Variants in TMCC3 observed in about 807,000 individuals in gnomAD.
TMCC3 encodes transmembrane and coiled-coil domain family 3.
A neutral mutation model predicts 40.2 loss-of-function variants in TMCC3; 28 were observed. The observed-to-expected ratio is 0.70, with a 90% CI of 0.52 to 0.95. The LOEUF is 0.95. Ranked by LOEUF, TMCC3 falls within the 40% of genes least tolerant of loss-of-function variation. TMCC3 has a pLI of 0.00. For synonymous variants in TMCC3, 255 were observed against 248.5 expected (o/e 1.03, Z -0.25); for missense variants, 554 against 615.2 (o/e 0.90, Z 1.05).
chr12:94,621,997 A>G (rs2068878311), intron 1 of TMCC3, among the ~76,000 whole-genome samples: 1 of 152,226 alleles, frequency 6.6e-6, no homozygotes, highest in Non-Finnish European at 1.5e-5. Flanking sequence ...CATTTCATAG[A>G]AAAGTAAACC....
At chr12:94,579,609 A>G (rs1405081443) in intron 2 of TMCC3, among the ~76,000 whole-genome samples, 3 of 152,244 alleles carry the variant, frequency 2.0e-5, no homozygotes, top group Non-Finnish European at 4.4e-5. Flanking sequence ...TTAGACTGGA[A>G]TGACTTTGAT....
At chr12:94,583,048 C>T (rs1053906718) in intron 1 of TMCC3, among the ~76,000 whole-genome samples, 2 of 144,524 alleles carry the variant, frequency 1.4e-5, no homozygotes, top group African/African-American at 2.5e-5. Context: ...GTACATCCAT[C>T]AAACAAGAAC....
At position 94,650,347 on chromosome 12, in the gene TMCC3, G is replaced by A. The variant is rs2069049371; in HGVS notation, c.78+6C>T. On this transcript the variant is annotated splice_donor_region_variant and intron_variant, in intron 1 of 3. Coordinates refer to ENST00000261226, the MANE Select transcript of TMCC3 (RefSeq NM_020698.4). ...CACCCGCCGCCCCCCAGCCCGCTGC[G>A]CTCACCCGGCTCTTGCAGCGGTGGT... The A allele has an allele frequency of 1.5e-6, 2 of 1,308,480 alleles. No individual in the cohort carries two copies. The highest frequency in any genetic ancestry group is 2.0e-6 in the Non-Finnish European group (2 of 1,024,220). The allele number at this position is 1,308,480 out of a possible 1,614,324, so 81.1% of individuals were successfully genotyped here. A position where few individuals can be genotyped will look rare whatever the true frequency, so the allele number is the denominator to read the frequency against.
chr12:94,650,188 G>A (rs1436165031), intron 1 of TMCC3, among the ~76,000 whole-genome samples, 165 bp downstream of exon 1: 1 of 151,980 alleles, frequency 6.6e-6, no homozygotes, highest in Non-Finnish European at 1.5e-5. Flanking sequence ...CGCCCCCGAC[G>A]CCCACCCTTT....
At chr12:94,613,318 T>C (rs891700406) in intron 1 of TMCC3, among the ~76,000 whole-genome samples, 3 of 151,414 alleles carry the variant, frequency 2.0e-5, no homozygotes, top group Non-Finnish European at 4.4e-5. Flanking sequence ...ATAATAATAA[T>C]AATTAGCCAG....
At chr12:94,611,838 G>A (rs1051087298) in intron 1 of TMCC3, among the ~76,000 whole-genome samples, 1 of 151,856 alleles carries the variant, frequency 6.6e-6, no homozygotes, top group Non-Finnish European at 1.5e-5. Flanking sequence ...TTTGACCCCT[G>A]GTTGGTTGAA....
chr12:94,571,499 G>T lies in TMCC3; in HGVS notation c.1370C>A (p.Ala457Asp). ...LGTFFAVTLL[A>D]IFCKNWDHIL... ...ATGGTCCCAGTTTTTACAAAATATAGCAAGAAGAGTCACGGCAAAGAAGGT... is the reference window on the plus strand; with the variant it reads ...ATGGTCCCAGTTTTTACAAAATATATCAAGAAGAGTCACGGCAAAGAAGGT... Residue 457 changes from alanine (A) to aspartate (D), a missense_variant, in exon 4 of 4, where the codon GCT becomes GAT. Coordinates refer to ENST00000261226, the MANE Select transcript of TMCC3 (RefSeq NM_020698.4). 6.2e-7 allele frequency: 1 copy of T among 1,614,014 alleles called. No homozygotes were observed.
chr12:94,587,366 T>C (rs190948322), intron 1 of TMCC3, among the ~76,000 whole-genome samples: 1 of 152,306 alleles, frequency 6.6e-6, no homozygotes, highest in African/African-American at 2.4e-5. Flanking sequence ...TCAGAACTAA[T>C]ACTGCACAAC....
chr12:94,639,764 GAAAA>G (rs10716116), intron 1 of TMCC3, among the ~76,000 whole-genome samples: 2 of 103,262 alleles, frequency 1.9e-5, no homozygotes, highest in Non-Finnish European at 3.9e-5. Context: ...CAAGAGGTAA[GAAAA>G]AAAAAAAAAA....
chr12:94,586,444 C>G (rs886137209), intron 1 of TMCC3, among the ~76,000 whole-genome samples: 2 of 152,190 alleles, frequency 1.3e-5, no homozygotes, highest in African/African-American at 4.8e-5. Flanking sequence ...CTGTTGTATA[C>G]ATGTATTCTT....
intron 1 of TMCC3, among the ~76,000 whole-genome samples, chr12:94,604,803 C>CAAAAAAAAAAAAA (rs11400128): frequency 1.9e-5 from 1 of 53,318 alleles, no homozygotes; most frequent in Non-Finnish European, 3.2e-5. Flanking sequence ...GACTTCATCT[C>CAAAAAAAAAAAAA]AAAAAAAAAA....
chr12:94,577,733 G>A (rs1205739304), intron 3 of TMCC3, among the ~76,000 whole-genome samples: 1 of 152,122 alleles, frequency 6.6e-6, no homozygotes, highest in East Asian at 1.9e-4. Flanking sequence ...CTCCACCTAG[G>A]CAGTGAGCTG....
Position 94,570,351 on chromosome 12 carries a change from A to G in TMCC3, c.*1084T>C, listed in dbSNP as rs1286584440. The G allele has an allele frequency of 6.6e-6, 1 of 152,232 alleles. No homozygotes were observed. Among genetic ancestry groups the G allele is most frequent in the Admixed American group, 6.5e-5 (1 of 15,282 alleles). The allele number at this position is 152,232 out of a possible 1,614,324, so 9.4% of individuals were successfully genotyped here. On this transcript the variant is annotated 3_prime_UTR_variant, in exon 4 of 4. Coordinates refer to ENST00000261226, the MANE Select transcript of TMCC3 (RefSeq NM_020698.4). ...TCAAGGAAAAAACTGCAACATGACC[A>G]TCATTTGTTTTCATTTCCTGAGTAA...
At chr12:94,575,436 A>G (rs2068558012) in intron 3 of TMCC3, among the ~76,000 whole-genome samples, 1 of 152,196 alleles carries the variant, frequency 6.6e-6, no homozygotes, top group African/African-American at 2.4e-5. Flanking sequence ...TTTATTAAGG[A>G]GGAAACTGAG....
chr12:94,609,178 T>A (rs1346000580), intron 1 of TMCC3, among the ~76,000 whole-genome samples: 2 of 152,084 alleles, frequency 1.3e-5, no homozygotes, highest in Non-Finnish European at 2.9e-5. Context: ...CAGTGAGCTA[T>A]GATCACACCA....
chr12:94,636,201 T>C (rs139164689), intron 1 of TMCC3, among the ~76,000 whole-genome samples: 23 of 152,188 alleles, frequency 1.5e-4, no homozygotes, highest in African/African-American at 5.5e-4. Flanking sequence ...TATAGACATC[T>C]GAAAAGGAAT....
At chr12:94,587,802 T>C (rs2068646818) in intron 1 of TMCC3, among the ~76,000 whole-genome samples, 1 of 152,244 alleles carries the variant, frequency 6.6e-6, no homozygotes, top group African/African-American at 2.4e-5. Flanking sequence ...TGCGGGGTCA[T>C]TCTTTTGTAT....
At position 94,570,067 on chromosome 12, in the gene TMCC3, G is replaced by C. The variant is rs140082618; in HGVS notation, c.*1368C>G. On this transcript the variant is annotated 3_prime_UTR_variant, in exon 4 of 4. Coordinates refer to ENST00000261226, the MANE Select transcript of TMCC3 (RefSeq NM_020698.4). Reference sequence around the variant, plus strand: ...TTTTCAGCTCAGAGGCAGTATGGTCGTCCTAATACCTCAGGACTTATGTTC... The same window carrying C: ...TTTTCAGCTCAGAGGCAGTATGGTCCTCCTAATACCTCAGGACTTATGTTC... 2 of 152,198 alleles carry C rather than the reference G, an allele frequency of 1.3e-5. No homozygotes were observed. The highest frequency in any genetic ancestry group is 2.9e-5 in the Non-Finnish European group (2 of 68,026). 9.4% of individuals were successfully genotyped at this position (152,198 alleles called of 1,614,324 possible). A position where few individuals can be genotyped will look rare whatever the true frequency, so the allele number is the denominator to read the frequency against.
intron 1 of TMCC3, among the ~76,000 whole-genome samples, chr12:94,596,732 A>G (rs1000875323): frequency 8.5e-5 from 13 of 152,094 alleles, no homozygotes; most frequent in African/African-American, 2.9e-4. Context: ...TATTAAGTGA[A>G]TCAGTTGTTG....
Sources: allele counts gnomAD v4.1 joint callset (sites outside exome capture counted in the v4.1 genomes callset), GRCh38; gene constraint gnomAD v4.1.1; transcripts MANE v1.5; gene names NCBI Gene and HGNC (gene_info 2026-07-23, HGNC 2026-07-21).